Variants in MYT1L observed in about 807,000 individuals in gnomAD.
The protein encoded by MYT1L is myelin transcription factor 1-like protein.
A neutral mutation model predicts 126.7 loss-of-function variants in MYT1L; 12 were observed. That is an observed-to-expected ratio of 0.09 (90% CI 0.06 to 0.15). MYT1L has a LOEUF of 0.15. Ranked by LOEUF, MYT1L falls within the 10% of genes least tolerant of loss-of-function variation. The pLI, the probability that MYT1L is intolerant of heterozygous loss-of-function variation, is 1.00. For synonymous variants in MYT1L, 541 were observed against 604.2 expected (o/e 0.90, Z 1.53); for missense variants, 979 against 1,585.2 (o/e 0.62, Z 6.49).
At chr2:2,192,291 G>A (rs766735519) in intron 2 of MYT1L, among the ~76,000 whole-genome samples, 3 of 152,344 alleles carry the variant, frequency 2.0e-5, no homozygotes, top group East Asian at 1.9e-4. Context: ...CCCTCCACAC[G>A]TTACAGAGCA....
intron 2 of MYT1L, among the ~76,000 whole-genome samples, chr2:2,273,700 G>T (rs2095308502): frequency 6.6e-6 from 1 of 152,184 alleles, no homozygotes. Context: ...GCAGCGGGAG[G>T]TACCCAGCTG....
intron 8 of MYT1L, among the ~76,000 whole-genome samples, chr2:1,947,196 T>C (rs2057307991): frequency 6.6e-6 from 1 of 151,944 alleles, no homozygotes; most frequent in South Asian, 2.1e-4. Context: ...TTCAGTGAGG[T>C]GACTGGGGGT....
rs530249816 is a variant in MYT1L, at chr2:2,073,100, T to G, written c.-303-18977A>C. Among the ~76,000 whole-genome samples the G allele has an allele frequency of 3.2e-4, 48 of 152,326 alleles. No individual in the cohort carries two copies. The South Asian group carries it at 1.0e-2, about 32-fold the overall frequency. ...GACATTCATAAGGGCTTTACTCTCA[T>G]GCCTTAATCATTTCAAAGGCCCAAC... is the stretch of plus-strand genomic sequence containing the variant. On this transcript the variant is annotated intron_variant, in intron 3 of 24. Coordinates refer to ENST00000647738, the MANE Select transcript of MYT1L (RefSeq NM_001303052.2).
chr2:1,896,400 T>G (rs1010404179), intron 14 of MYT1L, among the ~76,000 whole-genome samples: 21 of 152,192 alleles, frequency 1.4e-4, no homozygotes, highest in Non-Finnish European at 2.5e-4. Context: ...CTCATCACCA[T>G]GCTCTTCACA....
chr2:1,875,361 G>A (rs2046778977), intron 18 of MYT1L, among the ~76,000 whole-genome samples: 1 of 152,196 alleles, frequency 6.6e-6, no homozygotes, highest in Non-Finnish European at 1.5e-5. Context: ...GAGTGTGCCT[G>A]CCTTGCCAAG....
At chr2:1,934,397 A>G (rs1378995164) in intron 9 of MYT1L, among the ~76,000 whole-genome samples, 1 of 151,598 alleles carries the variant, frequency 6.6e-6, no homozygotes, top group Non-Finnish European at 1.5e-5. Flanking sequence ...CACATGTGGG[A>G]CAGCGCTTTC....
intron 2 of MYT1L, among the ~76,000 whole-genome samples, chr2:2,274,383 G>A (rs993410112): frequency 1.3e-5 from 2 of 151,994 alleles, no homozygotes; most frequent in Admixed American, 1.3e-4. Flanking sequence ...AGGGAGAGAG[G>A]ACAGTGGGCA....
intron 1 of MYT1L, among the ~76,000 whole-genome samples, chr2:2,328,594 A>G (rs2096265969): frequency 6.6e-6 from 1 of 152,162 alleles, no homozygotes; most frequent in South Asian, 2.1e-4. Context: ...TGCAAGTTTA[A>G]CTCAAGAGAA....
intron 2 of MYT1L, among the ~76,000 whole-genome samples, chr2:2,189,547 T>G (rs535718253): frequency 2.6e-5 from 4 of 152,380 alleles, no homozygotes; most frequent in African/African-American, 9.6e-5. Context: ...TTCATAAATA[T>G]ATAATCACTT....
rs1425074505 is a variant in MYT1L, at chr2:1,811,954, G to A, written c.3081-2787C>T. ...TATCCGTAAATCTGCTTCTGAAGGC[G>A]AGCTGGATATTTTCATTTGTAAAAT... On this transcript the variant is annotated intron_variant, in intron 21 of 24. Transcript: ENST00000647738. The surrounding 1 kb of genome is among the most constrained non-coding windows in gnomAD (Gnocchi z 4.4). Among the ~76,000 whole-genome samples the A allele has an allele frequency of 6.6e-6, 1 of 152,178 alleles. No homozygotes were observed. Among genetic ancestry groups the A allele is most frequent in the Non-Finnish European group, 1.5e-5 (1 of 68,034 alleles).
At chr2:1,864,801 T>A (rs1406468727) in intron 18 of MYT1L, among the ~76,000 whole-genome samples, 1 of 152,122 alleles carries the variant, frequency 6.6e-6, no homozygotes, top group African/African-American at 2.4e-5. Context: ...GGGGCAGCCT[T>A]CATGCTCTAC....
chr2:1,961,156 C>T (rs1198168689), intron 8 of MYT1L, among the ~76,000 whole-genome samples: 1 of 152,126 alleles, frequency 6.6e-6, no homozygotes, highest in African/African-American at 2.4e-5. Flanking sequence ...GATTCCCTAC[C>T]AAATATTGTA....
chr2:1,824,177 T>C (rs1220531982), intron 21 of MYT1L, among the ~76,000 whole-genome samples: 1 of 152,252 alleles, frequency 6.6e-6, no homozygotes, highest in Non-Finnish European at 1.5e-5. Flanking sequence ...CTAGACTTAC[T>C]AAACATATTC....
chr2:1,826,450 C>T (rs543535173), intron 21 of MYT1L, among the ~76,000 whole-genome samples: 2 of 152,286 alleles, frequency 1.3e-5, no homozygotes, highest in South Asian at 2.1e-4. Flanking sequence ...CCCTGGTCAG[C>T]GCTGGGCCAG....
At chr2:1,803,592 A>G (rs1434050714) in intron 22 of MYT1L, among the ~76,000 whole-genome samples, 4 of 152,168 alleles carry the variant, frequency 2.6e-5, no homozygotes, top group African/African-American at 9.7e-5. Flanking sequence ...ACAACCTTTC[A>G]TCTCTAATTT....
intron 3 of MYT1L, among the ~76,000 whole-genome samples, chr2:2,097,315 C>A (rs759983366): frequency 1.3e-5 from 2 of 152,154 alleles, no homozygotes; most frequent in Non-Finnish European, 2.9e-5. Context: ...GCCCCTGGAA[C>A]CCATGCATTC....
intron 3 of MYT1L, among the ~76,000 whole-genome samples, chr2:2,105,781 G>C (rs1249715967): frequency 1.3e-5 from 2 of 152,166 alleles, no homozygotes; most frequent in African/African-American, 4.8e-5. Flanking sequence ...AGAGACTCTT[G>C]CCAGATCTGA....
At chr2:1,797,466 C>T (rs929962718) in intron 23 of MYT1L, among the ~76,000 whole-genome samples, 3 of 152,236 alleles carry the variant, frequency 2.0e-5, no homozygotes, top group Non-Finnish European at 4.4e-5. Flanking sequence ...GTGATCTGCC[C>T]GCCTCGGCCT....
chr2:2,012,821 G>A (rs987298421), intron 4 of MYT1L, among the ~76,000 whole-genome samples: 26 of 152,130 alleles, frequency 1.7e-4, no homozygotes, highest in African/African-American at 5.3e-4. Context: ...CTGTGGTACC[G>A]CAGTGTTGTA....
Sources: allele counts gnomAD v4.1 joint callset (sites outside exome capture counted in the v4.1 genomes callset), GRCh38; gene constraint gnomAD v4.1.1; non-coding constraint Gnocchi (gnomAD v3.1); transcripts MANE v1.5; gene names NCBI Gene and HGNC (gene_info 2026-07-23, HGNC 2026-07-21).